The following DPP10 variants were observed in gnomAD, a reference collection of about 807,000 sequenced individuals.
The protein encoded by DPP10 is inactive dipeptidyl peptidase 10.
In DPP10, 33 loss-of-function variants were observed where a neutral mutation model predicts 120.9. The observed-to-expected ratio is 0.27, with a 90% CI of 0.21 to 0.37. The LOEUF (loss-of-function observed/expected upper bound fraction) is 0.37, where lower values mean the gene tolerates loss of function less well. DPP10 is among the 10% of genes least tolerant of loss of function. The probability of loss-of-function intolerance (pLI) is 1.00; values close to 1 mark genes in which losing one functional copy is unlikely to be tolerated. For synonymous variants in DPP10, 337 were observed against 326.1 expected (o/e 1.03, Z -0.36); for missense variants, 816 against 942.8 (o/e 0.87, Z 1.76).
chr2:115,167,414 A>G (rs2052966790), intron 1 of DPP10, among the ~76,000 whole-genome samples: 1 of 151,608 alleles, frequency 6.6e-6, no homozygotes, highest in Non-Finnish European at 1.5e-5. Flanking sequence ...ACAAACAAAC[A>G]AAAAACAAAA....
At chr2:114,909,336 G>A (rs933645484) in intron 1 of DPP10, among the ~76,000 whole-genome samples, 2 of 151,960 alleles carry the variant, frequency 1.3e-5, no homozygotes, top group African/African-American at 2.4e-5. Context: ...AAGATAAAAT[G>A]TATAAATAAT....
chr2:115,041,784 C>T (rs909239472), intron 1 of DPP10, among the ~76,000 whole-genome samples: 3 of 152,140 alleles, frequency 2.0e-5, no homozygotes, highest in African/African-American at 7.2e-5. Context: ...CCTTATCCTT[C>T]ATCATTTTAG....
At chr2:114,946,750 A>C (rs1172602848) in intron 1 of DPP10, among the ~76,000 whole-genome samples, 5 of 151,544 alleles carry the variant, frequency 3.3e-5, no homozygotes, top group Non-Finnish European at 7.4e-5. Context: ...TTTTCTTCTT[A>C]TTTCTCGGAA....
At chr2:115,665,119 T>C (rs2089342114) in intron 5 of DPP10, among the ~76,000 whole-genome samples, 1 of 152,194 alleles carries the variant, frequency 6.6e-6, no homozygotes, top group South Asian at 2.1e-4. Context: ...TCTGGTGACA[T>C]AGTAAAGGTC....
chr2:114,646,954 A>G (rs1445209211), intron 1 of DPP10, among the ~76,000 whole-genome samples: 1 of 152,208 alleles, frequency 6.6e-6, no homozygotes, highest in Non-Finnish European at 1.5e-5. Context: ...TGAAATTCAA[A>G]TCAGAGGAGG....
At chr2:115,707,538 T>C (rs569071245) in intron 7 of DPP10, among the ~76,000 whole-genome samples, 65 of 151,778 alleles carry the variant, frequency 4.3e-4, no homozygotes, top group South Asian at 1.0e-3. Flanking sequence ...TGATTCTGAA[T>C]GTAGATTTTG....
intron 3 of DPP10, among the ~76,000 whole-genome samples, chr2:115,473,778 G>A (rs2074889659): frequency 6.6e-6 from 1 of 152,102 alleles, no homozygotes; most frequent in Non-Finnish European, 1.5e-5. Flanking sequence ...CTACTTTTTT[G>A]TGACATAGAG....
intron 5 of DPP10, among the ~76,000 whole-genome samples, chr2:115,672,680 C>CTCTTTCTTTCTTTCTTTCTTTT (rs2089984515): frequency 2.6e-5 from 3 of 113,264 alleles, no homozygotes; most frequent in African/African-American, 3.6e-5. Flanking sequence ...CTCTTTCTTT[C>CTCTTTCTTTCTTTCTTTCTTTT]TCTTTCTTTC....
In DPP10 at chr2:115,164,802, G is replaced by A. The variant is rs140594782; in HGVS notation, c.61-144437G>A. On this transcript the variant is annotated intron_variant, in intron 1 of 25. Coordinates refer to ENST00000410059, the MANE Select transcript of DPP10 (RefSeq NM_020868.6). ...GATCTGTTAGTGTCCTCTGGCACAG[G>A]GTGCCATGACAAGAGGACATGCCCT... Among the ~76,000 whole-genome samples the A allele has an allele frequency of 5.6e-3, 851 of 152,306 alleles. 13 individuals carry two copies. Among genetic ancestry groups the A allele is most frequent in the Middle Eastern group, 6.8e-3 (2 of 294 alleles).
chr2:115,832,897 A>C (rs1689081557), intron 21 of DPP10, among the ~76,000 whole-genome samples: 1 of 152,156 alleles, frequency 6.6e-6, no homozygotes, highest in Admixed American at 6.5e-5. Context: ...ATTATGCAGT[A>C]ATAACTTGTT....
At chr2:115,425,661 T>A (rs2070387325) in intron 3 of DPP10, among the ~76,000 whole-genome samples, 1 of 152,340 alleles carries the variant, frequency 6.6e-6, no homozygotes, top group African/African-American at 2.4e-5. Flanking sequence ...ATTTCCCTTT[T>A]AAAAAGATAG....
At chr2:115,069,245 A>G (rs1707172662) in intron 1 of DPP10, among the ~76,000 whole-genome samples, 1 of 152,048 alleles carries the variant, frequency 6.6e-6, no homozygotes, top group African/African-American at 2.4e-5. Context: ...TTAACTGTAC[A>G]GATCTTTTAT....
intron 1 of DPP10, among the ~76,000 whole-genome samples, chr2:115,288,776 T>C (rs1009051512): frequency 3.6e-4 from 55 of 151,860 alleles, no homozygotes; most frequent in African/African-American, 1.3e-3. Flanking sequence ...ACCAACTAGG[T>C]ATAGAAGAAA....
chr2:115,393,796 A>G (rs1452315507), intron 3 of DPP10, among the ~76,000 whole-genome samples: 3 of 152,182 alleles, frequency 2.0e-5, no homozygotes, highest in East Asian at 1.9e-4. Flanking sequence ...AGGAGTGGCA[A>G]ATTATAAGCT....
chr2:115,052,287 GAC>G (rs1315987505), intron 1 of DPP10, among the ~76,000 whole-genome samples: 2 of 151,948 alleles, frequency 1.3e-5, no homozygotes, highest in Admixed American at 6.6e-5. Context: ...TCTTAAGTAT[GAC>G]TCCAAAAGCA....
At chr2:115,678,315 C>T (rs368546011) in intron 5 of DPP10, among the ~76,000 whole-genome samples, 1 of 152,218 alleles carries the variant, frequency 6.6e-6, no homozygotes, top group Non-Finnish European at 1.5e-5. Flanking sequence ...AGGCCCGGGG[C>T]CCCCCTGCTG....
intron 3 of DPP10, among the ~76,000 whole-genome samples, chr2:115,460,501 T>C (rs2105065869): frequency 6.6e-6 from 1 of 152,302 alleles, no homozygotes; most frequent in South Asian, 2.1e-4. Context: ...TTGAAAATGC[T>C]TAACAGTCTA....
At chr2:115,598,925 G>T (rs1364910602) in intron 5 of DPP10, among the ~76,000 whole-genome samples, 2 of 150,600 alleles carry the variant, frequency 1.3e-5, no homozygotes, top group African/African-American at 4.9e-5. Context: ...TTTGAAACAC[G>T]TCTCACTCAT....
At chr2:115,064,859 T>C (rs972127319) in intron 1 of DPP10, 7 of 1,300,430 alleles carry the variant, frequency 5.4e-6, no homozygotes, top group African/African-American at 3.0e-5. Flanking sequence ...GGGTTTCTGA[T>C]TGGGTTTCAT....
Sources: gnomAD v4.1 joint callset for allele counts (sites outside exome capture counted in the v4.1 genomes callset) on GRCh38, gnomAD v4.1.1 for gene constraint, MANE v1.5 for transcripts, NCBI Gene and HGNC (gene_info 2026-07-23, HGNC 2026-07-21) for gene names.